Variants in ADAMTSL1 observed in about 807,000 individuals in gnomAD.
ADAMTSL1 encodes ADAMTS like 1.
Under a neutral mutation model 201.8 loss-of-function variants are expected in ADAMTSL1, and 126 were observed. The ratio of observed to expected loss-of-function variants is 0.62; its 90% CI spans 0.54 to 0.72. The LOEUF (loss-of-function observed/expected upper bound fraction) is 0.72, where lower values mean the gene tolerates loss of function less well. ADAMTSL1 is among the 30% of genes least tolerant of loss of function. The pLI is 0.00. For missense variants in ADAMTSL1, 2,679 were observed against 2,277.8 expected (o/e 1.18, Z -3.59); for synonymous variants, 1,121 against 903.4 (o/e 1.24, Z -4.32).
chr9:17,948,139 G>C (rs967148701), intron 1 of ADAMTSL1, among the ~76,000 whole-genome samples: 1 of 152,124 alleles, frequency 6.6e-6, no homozygotes, highest in African/African-American at 2.4e-5. Flanking sequence ...CAGTTTTTGA[G>C]CTTATTGCTG....
chr9:18,562,400 T>G (rs764042899), intron 3 of ADAMTSL1, among the ~76,000 whole-genome samples: 2 of 152,262 alleles, frequency 1.3e-5, no homozygotes, highest in Non-Finnish European at 2.9e-5. Flanking sequence ...GTTAGACTGA[T>G]GGGCTTCCCT....
intron 2 of ADAMTSL1, among the ~76,000 whole-genome samples, chr9:18,177,161 G>T (rs1335905051): frequency 1.3e-5 from 2 of 152,198 alleles, no homozygotes; most frequent in Non-Finnish European, 2.9e-5. Flanking sequence ...GTGCTGGCTA[G>T]TGTACCAAGT....
At chr9:18,079,524 A>G (rs995062729) in intron 1 of ADAMTSL1, among the ~76,000 whole-genome samples, 1 of 151,766 alleles carries the variant, frequency 6.6e-6, no homozygotes, top group African/African-American at 2.4e-5. Flanking sequence ...CTACTAAAAC[A>G]CAGAAAAATT....
intron 1 of ADAMTSL1, among the ~76,000 whole-genome samples, chr9:17,939,909 G>C (rs1827166689): frequency 1.3e-5 from 2 of 152,126 alleles, no homozygotes; most frequent in Admixed American, 1.3e-4. Context: ...AGGAAAGGGA[G>C]GGTTTCTTTG....
intron 18 of ADAMTSL1, 26 bp downstream of exon 18, chr9:18,775,922 G>T: frequency 6.4e-7 from 1 of 1,573,220 alleles, no homozygotes. Flanking sequence ...CTCTGGGAAT[G>T]GGGAGATGAA....
chr9:17,934,685 G>A (rs1393853836), intron 1 of ADAMTSL1, among the ~76,000 whole-genome samples: 2 of 151,882 alleles, frequency 1.3e-5, no homozygotes, highest in East Asian at 1.9e-4. Flanking sequence ...CTTATTTCAT[G>A]GAGAAAATAG....
At chr9:18,394,162 A>G (rs984357035) in intron 2 of ADAMTSL1, among the ~76,000 whole-genome samples, 2 of 145,882 alleles carry the variant, frequency 1.4e-5, no homozygotes, top group African/African-American at 5.1e-5. Context: ...CAACTAGAAC[A>G]AGGATTTTTT....
intron 23 of ADAMTSL1, among the ~76,000 whole-genome samples, chr9:18,835,460 T>A (rs1825256031): frequency 1.3e-5 from 2 of 152,122 alleles, no homozygotes; most frequent in African/African-American, 2.4e-5. Context: ...AGTAGAAGAT[T>A]TTGATTTTGA....
At chr9:18,839,018 C>T (rs1208331780) in intron 23 of ADAMTSL1, among the ~76,000 whole-genome samples, 4 of 89,736 alleles carry the variant, frequency 4.5e-5, no homozygotes, top group African/African-American at 1.9e-4. Flanking sequence ...TAGCAGCACA[C>T]TCTCCTTTTT....
intron 1 of ADAMTSL1, among the ~76,000 whole-genome samples, chr9:18,130,744 C>CT (rs1400441766): frequency 1.3e-5 from 2 of 151,928 alleles, no homozygotes; most frequent in African/African-American, 4.8e-5. Flanking sequence ...AACTTTTTTT[C>CT]TTTTTTTAAC....
At chr9:18,731,623 G>A (rs753628998) in intron 15 of ADAMTSL1, among the ~76,000 whole-genome samples, 5 of 152,100 alleles carry the variant, frequency 3.3e-5, no homozygotes, top group Non-Finnish European at 5.9e-5. Flanking sequence ...GAAAAAAAAG[G>A]AAGAAAAAAG....
At chr9:18,794,283 C>G (rs1404038156) in intron 19 of ADAMTSL1, among the ~76,000 whole-genome samples, 1 of 151,966 alleles carries the variant, frequency 6.6e-6, no homozygotes, top group African/African-American at 2.4e-5. Context: ...GTAGTGCACC[C>G]CTGTGGTCTC....
chr9:18,177,081 T>C (rs1021704849), intron 2 of ADAMTSL1, among the ~76,000 whole-genome samples: 4 of 152,224 alleles, frequency 2.6e-5, no homozygotes, highest in Non-Finnish European at 5.9e-5. Flanking sequence ...TATGTATGTT[T>C]AGATGGCTTC....
intron 2 of ADAMTSL1, among the ~76,000 whole-genome samples, chr9:18,215,305 A>G (rs2132333354): frequency 6.6e-6 from 1 of 152,332 alleles, no homozygotes; most frequent in South Asian, 2.1e-4. Flanking sequence ...AACAACTATG[A>G]TGATTCAAAA....
At chr9:18,715,716 C>T (rs1440609669) in intron 14 of ADAMTSL1, among the ~76,000 whole-genome samples, 1 of 151,964 alleles carries the variant, frequency 6.6e-6, no homozygotes, top group Non-Finnish European at 1.5e-5. Flanking sequence ...TGACTTTCTT[C>T]ACAGAATTGG....
intron 2 of ADAMTSL1, among the ~76,000 whole-genome samples, chr9:18,447,856 A>G (rs1335541248): frequency 6.6e-6 from 1 of 152,202 alleles, no homozygotes; most frequent in East Asian, 1.9e-4. Context: ...GAAGAGCCCA[A>G]ACTTTGATGT....
chr9:18,770,657 G>T lies in ADAMTSL1; in HGVS notation c.2273G>T (p.Arg758Leu), dbSNP rs779572745. The change falls in exon 17 of 29, where the codon CGC (arginine) becomes CTC (leucine). Residue 758 changes from arginine (R) to leucine (L), a missense_variant. Arg to Leu is a moderately radical substitution (Grantham distance 102). Transcript: ENST00000380548. ...AAACGTGAGGTTCTTTGCAAGCAGC[G>T]CATGGCTGATGGCAGCTTCCTGGAG... ...VQKREVLCKQ[R>L]MADGSFLELP... is the part of the protein sequence containing the mutation. 3 of 1,613,506 alleles carry T rather than the reference G, an allele frequency of 1.9e-6. No homozygotes were observed. Among genetic ancestry groups the T allele is most frequent in the Admixed American group, 1.7e-5 (1 of 59,956 alleles).
intron 3 of ADAMTSL1, among the ~76,000 whole-genome samples, chr9:18,548,331 G>A (rs1207634634): frequency 1.3e-5 from 2 of 152,006 alleles, no homozygotes; most frequent in African/African-American, 4.8e-5. Context: ...AGTTTTTCAC[G>A]TTTATTTTTG....
At chr9:18,553,646 T>C (rs890883106) in intron 3 of ADAMTSL1, among the ~76,000 whole-genome samples, 2 of 151,888 alleles carry the variant, frequency 1.3e-5, no homozygotes, top group African/African-American at 4.8e-5. Flanking sequence ...TTTGTTTGTC[T>C]GAAATATTTG....
Sources: gnomAD v4.1 joint callset for allele counts (sites outside exome capture counted in the v4.1 genomes callset) on GRCh38, gnomAD v4.1.1 for gene constraint, MANE v1.5 for transcripts, NCBI Gene and HGNC (gene_info 2026-07-23, HGNC 2026-07-21) for gene names.